The following ANO10 variants were observed in gnomAD, a reference collection of about 807,000 sequenced individuals.
ANO10 encodes the protein anoctamin-10.
A neutral mutation model predicts 74.7 loss-of-function variants in ANO10; 77 were observed. The observed-to-expected ratio is 1.03, with a 90% CI of 0.86 to 1.25. The LOEUF (loss-of-function observed/expected upper bound fraction) is 1.25, where lower values mean the gene tolerates loss of function less well. Ranked by LOEUF, ANO10 falls within the 50% of genes most tolerant of loss-of-function variation. ANO10 has a pLI of 0.00. For missense variants in ANO10, 721 were observed against 778.1 expected (o/e 0.93, Z 0.87); for synonymous variants, 279 against 284.9 (o/e 0.98, Z 0.21).
At chr3:43,423,624 G>A (rs1243482798) in intron 12 of ANO10, among the ~76,000 whole-genome samples, 2 of 152,238 alleles carry the variant, frequency 1.3e-5, no homozygotes, top group Non-Finnish European at 1.5e-5. Context: ...GAGTTACAAA[G>A]TAGGAGTGCT....
chr3:43,655,797 T>G, intron 1 of ANO10, among the ~76,000 whole-genome samples: 1 of 141,964 alleles, frequency 7.0e-6, no homozygotes, highest in African/African-American at 2.6e-5. Flanking sequence ...TTGAGCTAGA[T>G]ACAGAGTGCC....
intron 12 of ANO10, among the ~76,000 whole-genome samples, chr3:43,383,276 A>G (rs947812203): frequency 1.3e-5 from 2 of 152,090 alleles, no homozygotes; most frequent in African/African-American, 2.4e-5. Context: ...ACATGGTGAA[A>G]CACTGTCTCT....
intron 11 of ANO10, among the ~76,000 whole-genome samples, chr3:43,479,390 ATATT>A (rs760047795): frequency 4.6e-5 from 7 of 152,206 alleles, no homozygotes; most frequent in Non-Finnish European, 7.3e-5. Flanking sequence ...AAACTTTGAT[ATATT>A]TATTAATTCA....
At chr3:43,448,279 T>C (rs942913485) in intron 11 of ANO10, among the ~76,000 whole-genome samples, 5 of 152,208 alleles carry the variant, frequency 3.3e-5, no homozygotes, top group Non-Finnish European at 4.4e-5. Context: ...TACAGTATCA[T>C]ACATGATAGT....
Position 43,561,410 on chromosome 3 carries a change from G to C in ANO10, c.1294-8C>G. 6.2e-7 allele frequency: 1 copy of C among 1,613,366 alleles called. No individual in the cohort carries two copies. Among genetic ancestry groups the C allele is most frequent in the Non-Finnish European group, 8.5e-7 (1 of 1,179,432 alleles). On this transcript the variant is annotated splice_polypyrimidine_tract_variant and splice_region_variant and intron_variant, in intron 8 of 12. Coordinates refer to ENST00000292246, the MANE Select transcript of ANO10 (RefSeq NM_018075.5). ...TAGGAGAGTGGCCAAGCTCTAAAGA[G>C]AAGCACACAAATCACATTTTGGGAA... is the stretch of plus-strand genomic sequence containing the variant.
chr3:43,445,649 T>C (rs924775105), intron 11 of ANO10, among the ~76,000 whole-genome samples: 1 of 152,116 alleles, frequency 6.6e-6, no homozygotes, highest in African/African-American at 2.4e-5. Flanking sequence ...TCTATGACCA[T>C]GTTTCCTTAC....
chr3:43,584,083 T>C (rs1189699712), intron 4 of ANO10, among the ~76,000 whole-genome samples: 3 of 152,142 alleles, frequency 2.0e-5, no homozygotes, highest in Non-Finnish European at 4.4e-5. Context: ...TGTTAAGCAC[T>C]AGGAGAAGGC....
chr3:43,548,647 G>C (rs1205338326), intron 11 of ANO10, among the ~76,000 whole-genome samples: 3 of 152,190 alleles, frequency 2.0e-5, no homozygotes, highest in Admixed American at 6.5e-5. Flanking sequence ...AAGGCCTTAA[G>C]TATATGAAAC....
At chr3:43,605,460 A>C (rs1356739675) in intron 2 of ANO10, among the ~76,000 whole-genome samples, 2 of 152,202 alleles carry the variant, frequency 1.3e-5, no homozygotes, top group Non-Finnish European at 2.9e-5. Context: ...TACTATTTAG[A>C]GCTGTGAAGA....
At chr3:43,564,816 C>T (rs1291087009) in intron 8 of ANO10, among the ~76,000 whole-genome samples, 1 of 152,156 alleles carries the variant, frequency 6.6e-6, no homozygotes, top group Non-Finnish European at 1.5e-5. Flanking sequence ...TTCCATCACA[C>T]CCCACCTTTG....
chr3:43,412,182 T>G (rs925363504), intron 12 of ANO10, among the ~76,000 whole-genome samples: 1 of 151,990 alleles, frequency 6.6e-6, no homozygotes, highest in African/African-American at 2.4e-5. Flanking sequence ...CAGCCAGGTC[T>G]TCAACCAAAA....
chr3:43,601,706 G>C (rs2082342367), intron 2 of ANO10, among the ~76,000 whole-genome samples: 2 of 152,148 alleles, frequency 1.3e-5, no homozygotes, highest in South Asian at 4.1e-4. Flanking sequence ...TCAATTTACA[G>C]AAAATACCAA....
At chr3:43,394,202 G>A (rs1011620240) in intron 12 of ANO10, among the ~76,000 whole-genome samples, 11 of 152,026 alleles carry the variant, frequency 7.2e-5, no homozygotes, top group South Asian at 2.1e-4. Flanking sequence ...GGCCTTAGAC[G>A]TTGTCCCCCT....
chr3:43,675,817 C>T (rs2084114629), intron 1 of ANO10, among the ~76,000 whole-genome samples: 1 of 152,088 alleles, frequency 6.6e-6, no homozygotes, highest in Admixed American at 6.5e-5. Context: ...TCACACTTTG[C>T]TGGTAGGAAT....
At chr3:43,516,986 G>A (rs574621178) in intron 11 of ANO10, among the ~76,000 whole-genome samples, 23 of 152,262 alleles carry the variant, frequency 1.5e-4, no homozygotes, top group South Asian at 6.2e-4. Flanking sequence ...GAAGGCCAGG[G>A]CCAGCAGGGA....
At chr3:43,583,179 C>T (rs902876596) in intron 4 of ANO10, among the ~76,000 whole-genome samples, 1 of 151,860 alleles carries the variant, frequency 6.6e-6, no homozygotes, top group Non-Finnish European at 1.5e-5. Context: ...ATCTTCTCTT[C>T]ATCAGTGCCA....
At chr3:43,618,079 G>A (rs1407469693) in intron 1 of ANO10, 2 of 152,264 alleles carry the variant, frequency 1.3e-5, no homozygotes, top group African/African-American at 2.4e-5. Flanking sequence ...TGTACCTAGG[G>A]CAGCTGCCTT....
chr3:43,498,551 C>T (rs1208560179), intron 11 of ANO10, among the ~76,000 whole-genome samples: 3 of 152,274 alleles, frequency 2.0e-5, no homozygotes, highest in East Asian at 1.9e-4. Context: ...GGAATAAACA[C>T]CACCTCCCGT....
intron 11 of ANO10, among the ~76,000 whole-genome samples, chr3:43,473,286 T>C (rs936743718): frequency 6.6e-6 from 1 of 152,204 alleles, no homozygotes; most frequent in Non-Finnish European, 1.5e-5. Flanking sequence ...GACGAGACAC[T>C]GTCCGCTTTG....
Sources: allele counts gnomAD v4.1 joint callset (sites outside exome capture counted in the v4.1 genomes callset), GRCh38; gene constraint gnomAD v4.1.1; transcripts MANE v1.5; gene names NCBI Gene and HGNC (gene_info 2026-07-23, HGNC 2026-07-21).